SGCD: variants seen among roughly 807,000 people sequenced by gnomAD.
The protein encoded by SGCD is delta-sarcoglycan.
Under a neutral mutation model 36.6 loss-of-function variants are expected in SGCD, and 18 were observed. The observed-to-expected ratio is 0.49, with a 90% CI of 0.34 to 0.73. The LOEUF is 0.73. SGCD is among the 30% of genes least tolerant of loss of function. SGCD has a pLI of 0.01. For missense variants in SGCD, 387 were observed against 346.7 expected, an observed-to-expected ratio of 1.12 and a Z score of -0.92; for synonymous variants, 133 against 130.6, an observed-to-expected ratio of 1.02 and a Z score of -0.12.
In SGCD at chr5:156,057,629, A is replaced by G. The variant is rs138626009; in HGVS notation, c.-281-60249A>G. Among the ~76,000 whole-genome samples, 161 of 146,522 alleles carry G rather than the reference A, an allele frequency of 1.1e-3. 11 individuals are homozygous for G. Among genetic ancestry groups the G allele is most frequent in the African/African-American group, 3.8e-3 (155 of 40,766 alleles). ...GACCCAGGTCTGAGGTAGAAAATGCATGAACTGAAAGGGACCATCATCTTG... is the reference window on the plus strand; with the variant it reads ...GACCCAGGTCTGAGGTAGAAAATGCGTGAACTGAAAGGGACCATCATCTTG... On this transcript the variant is annotated intron_variant, in intron 1 of 9. Transcript: ENST00000517913.
intron 3 of SGCD, among the ~76,000 whole-genome samples, chr5:156,194,993 GTCA>G (rs1394340009): frequency 6.6e-6 from 1 of 152,122 alleles, no homozygotes; most frequent in Non-Finnish European, 1.5e-5. Context: ...GATGAATATA[GTCA>G]TCAAGTTATG....
At chr5:156,243,805 A>C (rs1765364738) in intron 3 of SGCD, among the ~76,000 whole-genome samples, 1 of 152,228 alleles carries the variant, frequency 6.6e-6, no homozygotes, top group African/African-American at 2.4e-5. Context: ...GGGAGAAAGC[A>C]AAAGGATCCA....
At chr5:156,057,544 T>C (rs1760092243) in intron 1 of SGCD, among the ~76,000 whole-genome samples, 1 of 146,636 alleles carries the variant, frequency 6.8e-6, no homozygotes, top group African/African-American at 2.5e-5. Context: ...ATCTGTCCTC[T>C]GAAAAAGGCC....
At chr5:156,075,355 G>A (rs952188300) in intron 1 of SGCD, among the ~76,000 whole-genome samples, 8 of 151,904 alleles carry the variant, frequency 5.3e-5, no homozygotes, top group African/African-American at 1.2e-4. Context: ...GAGTAAAAAA[G>A]AAAAAACTAC....
intron 3 of SGCD, among the ~76,000 whole-genome samples, chr5:156,433,838 C>T (rs1753129610): frequency 6.6e-6 from 1 of 152,094 alleles, no homozygotes; most frequent in Non-Finnish European, 1.5e-5. Flanking sequence ...AGCCCCTTTC[C>T]CAAAGTGTCT....
intron 6 of SGCD, among the ~76,000 whole-genome samples, chr5:156,603,087 G>T (rs2113420709): frequency 6.6e-6 from 1 of 152,170 alleles, no homozygotes; most frequent in South Asian, 2.1e-4. Context: ...TTCTTTGATG[G>T]AAGACTTTTA....
intron 1 of SGCD, among the ~76,000 whole-genome samples, chr5:156,328,242 A>G (rs927717081): frequency 1.3e-5 from 2 of 152,228 alleles, no homozygotes; most frequent in Non-Finnish European, 2.9e-5. Context: ...ACACAGTACA[A>G]TGTCATTGCA....
At chr5:156,116,535 A>T (rs1304896633) in intron 1 of SGCD, among the ~76,000 whole-genome samples, 1 of 152,182 alleles carries the variant, frequency 6.6e-6, no homozygotes, top group Admixed American at 6.6e-5. Flanking sequence ...AAATACCATA[A>T]GCAATGTACG....
the SGCD span, among the ~76,000 whole-genome samples, chr5:155,860,844 C>T: frequency 6.6e-6 from 1 of 152,090 alleles, no homozygotes; most frequent in Non-Finnish European, 1.5e-5. Flanking sequence ...AAATCTGAAA[C>T]AAAAACAATT....
intron 1 of SGCD, among the ~76,000 whole-genome samples, chr5:155,975,217 A>G (rs1758085047): frequency 6.6e-6 from 1 of 152,214 alleles, no homozygotes; most frequent in Non-Finnish European, 1.5e-5. Context: ...CTGCACCATC[A>G]TCACCATCAC....
chr5:155,874,866 AAGTT>A (rs1755733677), intron 1 of SGCD, among the ~76,000 whole-genome samples: 1 of 152,134 alleles, frequency 6.6e-6, no homozygotes, highest in Non-Finnish European at 1.5e-5. Context: ...GTTTTCGAAG[AAGTT>A]AAACTTAAAA....
intron 3 of SGCD, among the ~76,000 whole-genome samples, chr5:156,208,017 T>G (rs770887377): frequency 1.4e-4 from 22 of 152,286 alleles, no homozygotes; most frequent in Non-Finnish European, 2.8e-4. Flanking sequence ...AATTTACCAT[T>G]ATCAATAAGC....
intron 4 of SGCD, among the ~76,000 whole-genome samples, chr5:156,561,484 G>A (rs1293637957): frequency 3.3e-5 from 5 of 152,324 alleles, no homozygotes; most frequent in Non-Finnish European, 5.9e-5. Flanking sequence ...TATAAGCAAC[G>A]CAGTGAAACT....
chr5:156,756,996 G>C (rs1012871108), intron 7 of SGCD, among the ~76,000 whole-genome samples: 14 of 152,052 alleles, frequency 9.2e-5, no homozygotes, highest in African/African-American at 3.1e-4. Context: ...TTTCTATTGT[G>C]TCAGGCACTA....
intron 3 of SGCD, among the ~76,000 whole-genome samples, chr5:156,445,712 C>T (rs1753729265): frequency 6.6e-6 from 1 of 152,116 alleles, no homozygotes; most frequent in Admixed American, 6.6e-5. Flanking sequence ...GTATCTGTCA[C>T]ACAGGATTCC....
intron 4 of SGCD, among the ~76,000 whole-genome samples, chr5:156,545,835 T>C (rs1758551334): frequency 6.6e-6 from 1 of 152,138 alleles, no homozygotes; most frequent in Non-Finnish European, 1.5e-5. Flanking sequence ...GGAAGCCCAA[T>C]ACTGGGGACA....
At chr5:156,069,390 C>T (rs1201025075) in intron 1 of SGCD, among the ~76,000 whole-genome samples, 1 of 152,022 alleles carries the variant, frequency 6.6e-6, no homozygotes, top group Non-Finnish European at 1.5e-5. Flanking sequence ...AATCCTTTCC[C>T]CATTGCTTGT....
the SGCD span, among the ~76,000 whole-genome samples, chr5:155,786,279 G>A: frequency 1.3e-5 from 2 of 152,168 alleles, no homozygotes; most frequent in Admixed American, 6.6e-5. Flanking sequence ...GCTAGAGCCA[G>A]ATGCTTTTAC....
Position 155,871,623 on chromosome 5 carries a change from A to G in SGCD, c.-282+1199A>G, listed in dbSNP as rs184168586. ...GAAGGTAAAAAGAGGAGGAATTGCT[A>G]CTTTTTGAGCATCAGTGGTGTAGCA... On this transcript the variant is annotated intron_variant, in intron 1 of 9. Coordinates refer to the SGCD transcript ENST00000517913. Among the ~76,000 whole-genome samples the G allele has an allele frequency of 1.5e-3, 222 of 152,264 alleles. 2 individuals are homozygous for G. The highest frequency in any genetic ancestry group is 2.3e-3 in the East Asian group (12 of 5,166).
Sources: allele counts gnomAD v4.1 joint callset (sites outside exome capture counted in the v4.1 genomes callset), GRCh38; gene constraint gnomAD v4.1.1; transcripts MANE v1.5; gene names NCBI Gene and HGNC (gene_info 2026-07-23, HGNC 2026-07-21).